PDGFC: variants seen among roughly 807,000 people sequenced by gnomAD.
The protein encoded by PDGFC is platelet derived growth factor C.
In PDGFC, 12 loss-of-function variants were observed where a neutral mutation model predicts 35.5. That is an observed-to-expected ratio of 0.34 (90% CI 0.22 to 0.55). The LOEUF (loss-of-function observed/expected upper bound fraction) is 0.55, where lower values mean the gene tolerates loss of function less well. PDGFC is among the 20% of genes least tolerant of loss of function. The probability of loss-of-function intolerance (pLI) is 0.91; values close to 1 mark genes in which losing one functional copy is unlikely to be tolerated. For synonymous variants in PDGFC, 159 were observed against 148.8 expected, an observed-to-expected ratio of 1.07 and a Z score of -0.50; for missense variants, 322 against 412.4, an observed-to-expected ratio of 0.78 and a Z score of 1.90.
intron 3 of PDGFC, among the ~76,000 whole-genome samples, chr4:156,800,702 T>C (rs1731580369): frequency 6.6e-6 from 1 of 152,170 alleles, no homozygotes; most frequent in Admixed American, 6.5e-5. Context: ...ATTAATGTTA[T>C]AACAGAGTTC....
intron 2 of PDGFC, among the ~76,000 whole-genome samples, chr4:156,849,351 G>GC (rs1480478233): frequency 2.6e-5 from 4 of 152,042 alleles, no homozygotes; most frequent in Non-Finnish European, 5.9e-5. Flanking sequence ...TGTGATGACA[G>GC]CAAGTACAAA....
chr4:156,860,021 C>G (rs1729673081), intron 1 of PDGFC, among the ~76,000 whole-genome samples: 1 of 152,148 alleles, frequency 6.6e-6, no homozygotes, highest in Admixed American at 6.6e-5. Context: ...TCAAACTGAT[C>G]TGAAGATCAA....
At chr4:156,914,221 G>C (rs913740897) in intron 1 of PDGFC, among the ~76,000 whole-genome samples, 1 of 152,152 alleles carries the variant, frequency 6.6e-6, no homozygotes, top group Non-Finnish European at 1.5e-5. Flanking sequence ...AACTCTCTCA[G>C]TTGTGGGCGG....
chr4:156,812,528 A>AT (rs1429278201), intron 2 of PDGFC, among the ~76,000 whole-genome samples: 1 of 152,116 alleles, frequency 6.6e-6, no homozygotes, highest in East Asian at 1.9e-4. Context: ...CCACTGATAG[A>AT]TTTTTTTCAA....
chr4:156,877,773 T>C (rs1425330770), intron 1 of PDGFC, among the ~76,000 whole-genome samples: 1 of 152,102 alleles, frequency 6.6e-6, no homozygotes, highest in Non-Finnish European at 1.5e-5. Flanking sequence ...TCTGAGTTCA[T>C]CCCTTTGGTG....
At chr4:156,879,341 A>T (rs991842498) in intron 1 of PDGFC, among the ~76,000 whole-genome samples, 1 of 152,238 alleles carries the variant, frequency 6.6e-6, no homozygotes, top group Admixed American at 6.5e-5. Flanking sequence ...ATATAAAATC[A>T]ATCATCCAAT....
intron 2 of PDGFC, among the ~76,000 whole-genome samples, chr4:156,837,628 C>T (rs1339949588): frequency 6.6e-6 from 1 of 151,040 alleles, no homozygotes; most frequent in Admixed American, 6.5e-5. Flanking sequence ...ATTCCAAAAT[C>T]CCCCAAATGC....
At chr4:156,830,249 T>TAAA (rs59515143) in intron 2 of PDGFC, among the ~76,000 whole-genome samples, 123 of 142,698 alleles carry the variant, frequency 8.6e-4, no homozygotes, top group African/African-American at 3.0e-3. Context: ...GGAATTGCAT[T>TAAA]AAAAAAAAAA....
At chr4:156,812,880 C>A (rs1381190630) in intron 2 of PDGFC, among the ~76,000 whole-genome samples, 1 of 152,112 alleles carries the variant, frequency 6.6e-6, no homozygotes, top group Non-Finnish European at 1.5e-5. Context: ...AACCTCTGCA[C>A]ACCTACTTTT....
chr4:156,805,167 G>A (rs1024295447), intron 3 of PDGFC, among the ~76,000 whole-genome samples: 3 of 151,942 alleles, frequency 2.0e-5, no homozygotes, highest in African/African-American at 7.2e-5. Context: ...AGCCAAGTAA[G>A]AGTTTAGTCT....
intron 1 of PDGFC, among the ~76,000 whole-genome samples, chr4:156,957,819 C>A (rs2110960945): frequency 6.6e-6 from 1 of 152,108 alleles, no homozygotes; most frequent in South Asian, 2.1e-4. Flanking sequence ...GACCTTCCCA[C>A]TGAACCTGCT....
chr4:156,843,054 T>G (rs150965020), intron 2 of PDGFC, among the ~76,000 whole-genome samples: 153 of 152,302 alleles, frequency 1.0e-3, no homozygotes, highest in African/African-American at 3.7e-3. Flanking sequence ...TTTAGGTCAC[T>G]GGTATGGTTC....
intron 1 of PDGFC, among the ~76,000 whole-genome samples, chr4:156,887,459 G>A (rs1337234551): frequency 2.0e-5 from 3 of 151,990 alleles, no homozygotes; most frequent in African/African-American, 7.2e-5. Context: ...GTCTACCTGA[G>A]GTCATATATT....
At chr4:156,811,301 C>A (rs1168389546) in intron 2 of PDGFC, among the ~76,000 whole-genome samples, 1 of 152,016 alleles carries the variant, frequency 6.6e-6, no homozygotes, top group African/African-American at 2.4e-5. Context: ...AAGGAGCAAC[C>A]CTATCTGACA....
In PDGFC at chr4:156,964,047, T is replaced by G. The variant is rs139017463; in HGVS notation, c.118+6739A>C. Among the ~76,000 whole-genome samples the G allele has an allele frequency of 5.4e-4, 82 of 151,830 alleles. No homozygotes were observed. In the Middle Eastern group the frequency reaches 0.014, roughly 25 times the overall value. On this transcript the variant is annotated intron_variant, in intron 1 of 5. Coordinates refer to ENST00000502773, the MANE Select transcript of PDGFC (RefSeq NM_016205.3). ...CCATAGAATATAGTGTAAATAAAAG[T>G]TAAGGTCACTCACTGAATATATTTC... is the stretch of plus-strand genomic sequence containing the variant.
chr4:156,793,543 ATATAT>A (rs1350584205), intron 3 of PDGFC, among the ~76,000 whole-genome samples: 2 of 143,784 alleles, frequency 1.4e-5, no homozygotes, highest in East Asian at 4.0e-4. Flanking sequence ...GCATATATAT[ATATAT>A]ATATATATAT....
At chr4:156,912,963 A>G (rs1030885528) in intron 1 of PDGFC, among the ~76,000 whole-genome samples, 1 of 151,840 alleles carries the variant, frequency 6.6e-6, no homozygotes, top group Non-Finnish European at 1.5e-5. Flanking sequence ...CATAACCCAC[A>G]CCCATTCTTA....
intron 2 of PDGFC, among the ~76,000 whole-genome samples, chr4:156,827,147 G>A (rs1300091434): frequency 6.6e-6 from 1 of 152,208 alleles, no homozygotes; most frequent in African/African-American, 2.4e-5. Context: ...GCTGGGCACA[G>A]TGGCACACGC....
intron 1 of PDGFC, among the ~76,000 whole-genome samples, chr4:156,921,912 C>T (rs982289950): frequency 6.6e-6 from 1 of 152,154 alleles, no homozygotes; most frequent in African/African-American, 2.4e-5. Context: ...CACACACAAA[C>T]ACACACTAGT....
Sources: allele counts gnomAD v4.1 joint callset (sites outside exome capture counted in the v4.1 genomes callset), GRCh38; gene constraint gnomAD v4.1.1; transcripts MANE v1.5; gene names NCBI Gene and HGNC (gene_info 2026-07-23, HGNC 2026-07-21).